Variants in LARP7 observed in about 807,000 individuals in gnomAD.
The protein encoded by LARP7 is la-related protein 7.
Under a neutral mutation model 69.3 loss-of-function variants are expected in LARP7, and 52 were observed. The ratio of observed to expected loss-of-function variants is 0.75; its 90% CI spans 0.60 to 0.95. LARP7 has a LOEUF of 0.95. Ranked by LOEUF, LARP7 falls within the 40% of genes least tolerant of loss-of-function variation. The pLI, the probability that LARP7 is intolerant of heterozygous loss-of-function variation, is 0.00. For synonymous variants in LARP7, 254 were observed against 215.9 expected (o/e 1.18, Z -1.55); for missense variants, 733 against 673.0 (o/e 1.09, Z -0.99).
intron 8 of LARP7, 64 bp downstream of exon 8, chr4:112,647,898 T>G (rs535597757): frequency 8.6e-7 from 1 of 1,165,076 alleles, no homozygotes; most frequent in African/African-American, 1.6e-5. Context: ...AAAGTGCAAT[T>G]CCAATTTATA....
Position 112,646,987 on chromosome 4 carries a change from A to G in LARP7, c.552+32A>G, listed in dbSNP as rs757372037. ...CCAGATCCTAAAAAAAAAAAAAGAA[A>G]GAAAAGAAAACAAGTATTAAAATAG... On this transcript the variant is annotated intron_variant, in intron 5 of 12. Coordinates refer to ENST00000344442, the MANE Select transcript of LARP7 (RefSeq NM_016648.4). 68 of 1,578,908 alleles carry G rather than the reference A, an allele frequency of 4.3e-5. No individual in the cohort carries two copies. In the Middle Eastern group the frequency reaches 1.0e-3, roughly 24 times the overall value.
rs1247378702 is a variant in LARP7, at chr4:112,654,104, T to C, written c.1613T>C (p.Val538Ala). The change falls in exon 12 of 13, where the codon GTT (valine) becomes GCT (alanine). Residue 538 changes from valine to alanine, a missense_variant. Coordinates refer to ENST00000344442, the MANE Select transcript of LARP7 (RefSeq NM_016648.4). ...HEQRYWQKIL[V>A]DRQAKLNQPR... ...CAAAGGTATTGGCAGAAGATTTTGGTTGATAGACAGGCAAAACTTAATCAG... is the reference window on the plus strand; with the variant it reads ...CAAAGGTATTGGCAGAAGATTTTGGCTGATAGACAGGCAAAACTTAATCAG... 9.3e-6 allele frequency: 15 copies of C among 1,613,820 alleles called. No homozygotes were observed. Among genetic ancestry groups the C allele is most frequent in the Non-Finnish European group, 1.3e-5 (15 of 1,179,892 alleles).
intron 2 of LARP7, chr4:112,645,506 T>C (rs765021520): frequency 2.2e-6 from 1 of 452,866 alleles, no homozygotes; most frequent in South Asian, 1.6e-5. Context: ...TCAATGTTAT[T>C]TTTTGTTTCA....
intron 8 of LARP7, 139 bp downstream of exon 8, chr4:112,647,973 G>A (rs746394438): frequency 1.1e-5 from 8 of 757,386 alleles, no homozygotes; most frequent in South Asian, 2.7e-5. Flanking sequence ...CAGTGTGGGC[G>A]TTAACGCAAT....
chr4:112,649,485 A>T (rs1232676558), intron 8 of LARP7, 50 bp from the exon 9 acceptor site: 1 of 1,448,554 alleles, frequency 6.9e-7, no homozygotes, highest in African/African-American at 1.5e-5. Flanking sequence ...ATATTTCCCT[A>T]TTTACTTTTT....
intron 1 of LARP7, among the ~76,000 whole-genome samples, chr4:112,642,232 G>T (rs2047992006): frequency 6.6e-6 from 1 of 152,222 alleles, no homozygotes; most frequent in South Asian, 2.1e-4. Context: ...ATGGGTTGAA[G>T]TAAGAGCATG....
intron 2 of LARP7, among the ~76,000 whole-genome samples, chr4:112,645,961 G>A (rs558892243): frequency 4.6e-5 from 7 of 151,912 alleles, no homozygotes; most frequent in African/African-American, 1.7e-4. Context: ...ATTTTAGGTC[G>A]CCAAATATGC....
chr4:112,653,444 G>A (rs1471075300), intron 11 of LARP7, among the ~76,000 whole-genome samples: 3 of 151,960 alleles, frequency 2.0e-5, no homozygotes, highest in Non-Finnish European at 4.4e-5. Flanking sequence ...AGAGTAGCTG[G>A]GATTACAGGC....
At chr4:112,654,225 C>A in intron 12 of LARP7, 66 bp downstream of exon 12, 1 of 1,081,892 alleles carries the variant, frequency 9.2e-7, no homozygotes, top group Non-Finnish European at 1.4e-6. Flanking sequence ...AAAGTCAGTA[C>A]TAGGTAGTCA....
chr4:112,639,672 G>C (rs1025867331), intron 1 of LARP7, among the ~76,000 whole-genome samples: 6 of 152,042 alleles, frequency 3.9e-5, no homozygotes, highest in African/African-American at 1.4e-4. Flanking sequence ...TTATACATAG[G>C]CTCCTGTTGA....
In LARP7 at chr4:112,650,485, C is replaced by A. The variant is rs2048676000; in HGVS notation, c.1319C>A (p.Thr440Asn). 2 of 1,613,450 alleles carry A rather than the reference C, an allele frequency of 1.2e-6. No individual in the cohort carries two copies. Among genetic ancestry groups the A allele is most frequent in the South Asian group, 2.2e-5 (2 of 91,050 alleles). ...GCAGCCAACAGGGAAGAGTGTCGCACCCAGGAGAAAGTTAATGCAACAGGA... is the reference window on the plus strand; with the variant it reads ...GCAGCCAACAGGGAAGAGTGTCGCAACCAGGAGAAAGTTAATGCAACAGGA... ...EKTANREECR[T>N]QEKVNATGPQ... The change falls in exon 10 of 13, where the codon ACC becomes AAC. Residue 440 changes from threonine (T) to asparagine (N), a missense_variant. Coordinates refer to ENST00000344442, the MANE Select transcript of LARP7 (RefSeq NM_016648.4).
At chr4:112,645,869 A>G (rs1442960076) in intron 2 of LARP7, among the ~76,000 whole-genome samples, 2 of 152,158 alleles carry the variant, frequency 1.3e-5, no homozygotes, top group Non-Finnish European at 2.9e-5. Flanking sequence ...GATGGGATCC[A>G]GATGTCCTCT....
At chr4:112,653,044 TTTTA>T (rs777878873) in intron 10 of LARP7, 29 bp from the exon 11 acceptor site, 5 of 1,526,042 alleles carry the variant, frequency 3.3e-6, no homozygotes, top group Non-Finnish European at 3.5e-6. Context: ...ACTTTTTAAA[TTTTA>T]TTTGTCTTTC....
intron 8 of LARP7, chr4:112,648,049 G>C: frequency 1.5e-6 from 1 of 646,400 alleles, no homozygotes; most frequent in Non-Finnish European, 3.0e-6. Context: ...GTCACAGCAA[G>C]TGCCTCCATG....
At chr4:112,650,624 C>T (rs1447002071) in intron 10 of LARP7, 42 bp downstream of exon 10, 7 of 1,558,608 alleles carry the variant, frequency 4.5e-6, no homozygotes, top group Non-Finnish European at 6.1e-6. Flanking sequence ...CCTTTCTTCT[C>T]TTATTATTTC....
At chr4:112,644,552 G>A in intron 1 of LARP7, 116 bp from the exon 2 acceptor site, 2 of 1,041,610 alleles carry the variant, frequency 1.9e-6, no homozygotes, top group Non-Finnish European at 2.6e-6. Context: ...TTTGTCTTCT[G>A]ATGGCCAAAT....
intron 2 of LARP7, 74 bp downstream of exon 2, chr4:112,644,945 CTTTTTTTT>C: frequency 1.8e-5 from 3 of 165,088 alleles, no homozygotes; most frequent in Non-Finnish European, 2.8e-5. Flanking sequence ...ATAATATATT[CTTTTTTTT>C]TTTTTTTTTT....
Position 112,652,227 on chromosome 4 carries a change from G to A in LARP7, c.1417-850G>A, listed in dbSNP as rs181114019. 5.3e-3 allele frequency among the ~76,000 whole-genome samples: 787 copies of A among 148,050 alleles called. 3 individuals carry two copies. Among genetic ancestry groups the A allele is most frequent in the Non-Finnish European group, 9.0e-3 (610 of 67,416 alleles). Reference sequence around the variant, plus strand: ...ACATCTAAAAATTCAACATCTGAAAGTAATGTAAATTAGTTATGTCTGAAA... The same window carrying A: ...ACATCTAAAAATTCAACATCTGAAAATAATGTAAATTAGTTATGTCTGAAA... On this transcript the variant is annotated intron_variant, in intron 10 of 12. Transcript: ENST00000344442.
At chr4:112,648,676 A>T (rs1424132767) in intron 8 of LARP7, 7 of 379,036 alleles carry the variant, frequency 1.8e-5, no homozygotes, top group Non-Finnish European at 3.3e-5. Context: ...GTTCCCAAAG[A>T]TTCGTGTTCT....
Sources: gnomAD v4.1 joint callset for allele counts (sites outside exome capture counted in the v4.1 genomes callset) on GRCh38, gnomAD v4.1.1 for gene constraint, MANE v1.5 for transcripts, NCBI Gene and HGNC (gene_info 2026-07-23, HGNC 2026-07-21) for gene names.